Variants in RBMS1 observed in about 807,000 individuals in gnomAD.
The protein encoded by RBMS1 is RNA-binding motif, single-stranded-interacting protein 1.
Under a neutral mutation model 62.3 loss-of-function variants are expected in RBMS1, and 17 were observed. The ratio of observed to expected loss-of-function variants is 0.27; its 90% CI spans 0.19 to 0.41. The LOEUF (loss-of-function observed/expected upper bound fraction) is 0.41, where lower values mean the gene tolerates loss of function less well. RBMS1 is among the 10% of genes least tolerant of loss of function. RBMS1 has a pLI of 1.00. For missense variants in RBMS1, 334 were observed against 504.5 expected (o/e 0.66, Z 3.24); for synonymous variants, 172 against 170.0 (o/e 1.01, Z -0.09).
chr2:160,436,993 C>T (rs950213826), intron 1 of RBMS1, among the ~76,000 whole-genome samples: 21 of 152,110 alleles, frequency 1.4e-4, no homozygotes, highest in Admixed American at 1.3e-4. Context: ...AATAACCAGA[C>T]GAACCTGGGG....
chr2:160,347,796 C>T (rs192207663), intron 2 of RBMS1, among the ~76,000 whole-genome samples: 3 of 152,184 alleles, frequency 2.0e-5, no homozygotes, highest in Non-Finnish European at 4.4e-5. Flanking sequence ...ACTTCAAGGG[C>T]AATGTCTCAA....
Position 160,493,467 on chromosome 2 carries a change from G to A in RBMS1, c.-104C>T. On this transcript the variant is annotated 5_prime_UTR_variant, in exon 1 of 14. Coordinates refer to ENST00000348849, the MANE Select transcript of RBMS1 (RefSeq NM_016836.4). Reference sequence around the variant, plus strand: ...TTCCGGCGGCGGCGGCAGCGGCGGCGGCGGCGGCGGCTGCTGCTGCTGCCG... The same window carrying A: ...TTCCGGCGGCGGCGGCAGCGGCGGCAGCGGCGGCGGCTGCTGCTGCTGCCG... The A allele has an allele frequency of 3.9e-6, 4 of 1,034,692 alleles. No individual in the cohort carries two copies. Among genetic ancestry groups the A allele is most frequent in the Admixed American group, 2.0e-5 (1 of 48,852 alleles). 64.1% of individuals were successfully genotyped at this position (1,034,692 alleles called of 1,614,324 possible).
chr2:160,332,434 A>G (rs1027186130), intron 2 of RBMS1, among the ~76,000 whole-genome samples: 1 of 150,910 alleles, frequency 6.6e-6, no homozygotes, highest in Non-Finnish European at 1.5e-5. Context: ...ACATAAGAGA[A>G]AAAAAAAATC....
chr2:160,335,901 A>G (rs974264920), intron 2 of RBMS1, among the ~76,000 whole-genome samples: 25 of 152,294 alleles, frequency 1.6e-4, no homozygotes, highest in Admixed American at 1.2e-3. Flanking sequence ...TTAAAAGTAT[A>G]ATTTGGAATG....
At chr2:160,489,958 T>C (rs1319185706) in intron 1 of RBMS1, among the ~76,000 whole-genome samples, 1 of 152,104 alleles carries the variant, frequency 6.6e-6, no homozygotes, top group Admixed American at 6.5e-5. Flanking sequence ...CCATAACTAT[T>C]TACATACATG....
chr2:160,367,800 T>C (rs1693493229), intron 1 of RBMS1, among the ~76,000 whole-genome samples: 1 of 152,198 alleles, frequency 6.6e-6, no homozygotes, highest in Non-Finnish European at 1.5e-5. Context: ...CTTAAAATTT[T>C]ATTAGGATGA....
intron 1 of RBMS1, among the ~76,000 whole-genome samples, chr2:160,432,946 A>G (rs895966786): frequency 6.6e-6 from 1 of 152,098 alleles, no homozygotes; most frequent in Admixed American, 6.5e-5. Context: ...GCAGAATTAG[A>G]TCTGGGAAAT....
At chr2:160,307,527 A>G (rs1194542423) in intron 4 of RBMS1, among the ~76,000 whole-genome samples, 1 of 152,170 alleles carries the variant, frequency 6.6e-6, no homozygotes, top group Admixed American at 6.6e-5. Flanking sequence ...GTAGCTCGTT[A>G]TCTGCGTTTC....
intron 1 of RBMS1, among the ~76,000 whole-genome samples, chr2:160,447,896 A>G (rs948239350): frequency 6.6e-6 from 1 of 152,250 alleles, no homozygotes; most frequent in Non-Finnish European, 1.5e-5. Flanking sequence ...CCTTTCCCCA[A>G]GACTCTGATC....
At chr2:160,319,544 A>C (rs1559374557) in intron 2 of RBMS1, among the ~76,000 whole-genome samples, 1 of 152,130 alleles carries the variant, frequency 6.6e-6, no homozygotes, top group Non-Finnish European at 1.5e-5. Context: ...AATCAAAGTA[A>C]GACTCTGGGA....
At chr2:160,480,315 G>T (rs1685314229) in intron 1 of RBMS1, among the ~76,000 whole-genome samples, 1 of 152,112 alleles carries the variant, frequency 6.6e-6, no homozygotes, top group Non-Finnish European at 1.5e-5. Context: ...ATGCATGCAA[G>T]AAAAATTAAA....
At chr2:160,275,497 C>CT (rs1311606721) in intron 13 of RBMS1, 133 bp downstream of exon 13, 4 of 1,397,056 alleles carry the variant, frequency 2.9e-6, no homozygotes, top group African/African-American at 2.9e-5. Flanking sequence ...TTCAACAAGA[C>CT]TAGATGCCTT....
intron 1 of RBMS1, among the ~76,000 whole-genome samples, chr2:160,373,616 A>G (rs1446022557): frequency 6.6e-6 from 1 of 152,216 alleles, no homozygotes; most frequent in Non-Finnish European, 1.5e-5. Flanking sequence ...TTTTTGTAAC[A>G]GCATTTATAA....
Position 160,437,834 on chromosome 2 carries a change from A to G in RBMS1, c.75+55455T>C, listed in dbSNP as rs576910614. ...CTGAGTTATATGTCACAGTTTTTCT[A>G]AAGTCAAGTTCCAATTATCGCCATA... On this transcript the variant is annotated intron_variant, in intron 1 of 13. Coordinates refer to ENST00000348849, the MANE Select transcript of RBMS1 (RefSeq NM_016836.4). Among the ~76,000 whole-genome samples, 13 of 152,348 alleles carry G rather than the reference A, an allele frequency of 8.5e-5. 1 individual carries two copies. In the South Asian group the frequency reaches 2.7e-3, roughly 32 times the overall value.
At chr2:160,468,837 AG>A (rs1454915087) in intron 1 of RBMS1, among the ~76,000 whole-genome samples, 6 of 152,362 alleles carry the variant, frequency 3.9e-5, no homozygotes, top group Middle Eastern at 3.4e-3. Flanking sequence ...AGGAAGTATC[AG>A]GGGTTAGCTA....
intron 2 of RBMS1, among the ~76,000 whole-genome samples, chr2:160,365,528 TA>T (rs1174590694): frequency 6.6e-6 from 1 of 152,194 alleles, no homozygotes; most frequent in East Asian, 1.9e-4. Context: ...TTCAGTTCAA[TA>T]AAAAAATTAC....
rs370246773 is a variant in RBMS1, at chr2:160,377,994, G to GT, written c.76-10604dup. Among the ~76,000 whole-genome samples the GT allele has an allele frequency of 2.7e-3, 415 of 152,240 alleles. 1 individual carries two copies. The highest frequency in any genetic ancestry group is 4.6e-3 in the Non-Finnish European group (314 of 68,026). ...TTATTAATGAGTTTTTAAAAACTGA[G>GT]TAAAATTGATATGCTAGACCTGTTA... On this transcript the variant is annotated intron_variant, in intron 1 of 13. Transcript: ENST00000348849.
chr2:160,377,109 C>T (rs183720914), intron 1 of RBMS1, among the ~76,000 whole-genome samples: 8 of 151,628 alleles, frequency 5.3e-5, no homozygotes, highest in African/African-American at 1.2e-4. Flanking sequence ...TTAACATTTT[C>T]GTCCAAGATC....
At chr2:160,481,238 C>T (rs72980809) in intron 1 of RBMS1, among the ~76,000 whole-genome samples, 3,786 of 151,668 alleles carry the variant, frequency 0.025, 69 homozygotes, top group Middle Eastern at 0.061. Flanking sequence ...CGGGGGTGGG[C>T]GAGGTGGAAC....
Sources: gnomAD v4.1 joint callset for allele counts (sites outside exome capture counted in the v4.1 genomes callset) on GRCh38, gnomAD v4.1.1 for gene constraint, MANE v1.5 for transcripts, NCBI Gene and HGNC (gene_info 2026-07-23, HGNC 2026-07-21) for gene names.